The following AP3B2 variants were observed in gnomAD, a reference collection of about 807,000 sequenced individuals.
AP3B2 encodes the protein adaptor related protein complex 3 subunit beta 2, also known as AP-3 complex subunit beta-2.
Under a neutral mutation model 126.9 loss-of-function variants are expected in AP3B2, and 50 were observed. The ratio of observed to expected loss-of-function variants is 0.39; its 90% CI spans 0.31 to 0.50. The LOEUF (loss-of-function observed/expected upper bound fraction) is 0.50. AP3B2 is among the 20% of genes least tolerant of loss of function. The probability of loss-of-function intolerance (pLI) is 0.79; values close to 1 mark genes in which losing one functional copy is unlikely to be tolerated. For synonymous variants in AP3B2, 541 were observed against 565.0 expected, an observed-to-expected ratio of 0.96 and a Z score of 0.60; for missense variants, 1,177 against 1,426.4, an observed-to-expected ratio of 0.83 and a Z score of 2.82.
intron 1 of AP3B2, among the ~76,000 whole-genome samples, chr15:82,697,545 C>G (rs573616860): frequency 6.6e-6 from 1 of 152,106 alleles, no homozygotes; most frequent in Non-Finnish European, 1.5e-5. Flanking sequence ...GAACACGCAA[C>G]TTAGTCACAG....
intron 25 of AP3B2, among the ~76,000 whole-genome samples, chr15:82,661,431 C>T (rs11630643): frequency 5.3e-5 from 8 of 152,214 alleles, no homozygotes; most frequent in African/African-American, 1.7e-4. Context: ...CCAAATCCAG[C>T]CCACCACCTA....
At chr15:82,675,960 C>T (rs557692146) in intron 14 of AP3B2, among the ~76,000 whole-genome samples, 1 of 152,288 alleles carries the variant, frequency 6.6e-6, no homozygotes, top group Admixed American at 6.5e-5. Context: ...TGAGCCTCAT[C>T]CTTGGCTGTG....
chr15:82,664,371 C>T lies in AP3B2; in HGVS notation c.2257G>A (p.Glu753Lys), dbSNP rs2048014030. The T allele has an allele frequency of 1.2e-6, 2 of 1,613,792 alleles. No homozygotes were observed. Among genetic ancestry groups the T allele is most frequent in the Admixed American group, 1.7e-5 (1 of 59,994 alleles). Residue 753 changes from glutamate (E) to lysine (K), a missense_variant, in exon 19 of 27, where the codon GAG becomes AAG. By Grantham distance (56) the Glu-to-Lys change is moderately conservative (BLOSUM62 1). Transcript: ENST00000535359. The surrounding 1 kb of genome is among the most constrained non-coding windows in gnomAD (Gnocchi z 4.5). ...DEDEEKGRGSESEQSEEDGKR... is the reference protein window; with the variant it reads ...DEDEEKGRGSKSEQSEEDGKR... ...TCTGGCTAGCTCCCTTCTCACCTCT[C>T]ACTGCCTCTCCCTTTCTCCTCATCC...
At position 82,665,377 on chromosome 15, in the gene AP3B2, A is replaced by G. The variant is rs1403962718; in HGVS notation, c.1972-74T>C. 5.5e-3 allele frequency: 65 copies of G among 11,828 alleles called. 4 individuals carry two copies. The highest frequency in any genetic ancestry group is 0.04 in the South Asian group (64 of 1,584). 0.7% of individuals were successfully genotyped at this position (11,828 alleles called of 1,614,324 possible). On this transcript the variant is annotated intron_variant, in intron 16 of 26. Transcript: ENST00000535359. The surrounding 1 kb of genome is among the most constrained non-coding windows in gnomAD (Gnocchi z 4.4). ...GGCTCCCTACTGTCTGCCCCCACCA[A>G]CACACACACACACACACACACACAC... is the stretch of plus-strand genomic sequence containing the variant.
At chr15:82,691,801 C>A in intron 1 of AP3B2, 2 of 1,492,382 alleles carry the variant, frequency 1.3e-6, no homozygotes, top group Non-Finnish European at 1.9e-6. Flanking sequence ...TTGACCCAAA[C>A]CGAGACTGTG....
intron 20 of AP3B2, 89 bp from the exon 21 acceptor site, chr15:82,663,709 G>C: frequency 6.2e-7 from 1 of 1,604,526 alleles, no homozygotes; most frequent in Non-Finnish European, 8.5e-7. Flanking sequence ...TTCTGTTCTG[G>C]ATGGTAGGGA....
Position 82,709,766 on chromosome 15 carries a change from G to A in AP3B2, c.-60C>T. On this transcript the variant is annotated 5_prime_UTR_variant, in exon 1 of 27. Coordinates refer to ENST00000535359, the MANE Select transcript of AP3B2 (RefSeq NM_001278512.2). ...TGCGGGGCCGGAGGCCGGCTGGAGC[G>A]GAGGAAGGGAAGGCGGGCCGGTCCG... The A allele has an allele frequency of 1.5e-6, 2 of 1,353,966 alleles. No individual in the cohort carries two copies. The highest frequency in any genetic ancestry group is 1.9e-6 in the Non-Finnish European group (2 of 1,029,194). 83.9% of individuals were successfully genotyped at this position (1,353,966 alleles called of 1,614,324 possible). A position where few individuals can be genotyped will look rare whatever the true frequency, so the allele number is the denominator to read the frequency against.
In AP3B2 at chr15:82,680,772, A is replaced by T. The variant is rs202023945; in HGVS notation, c.772-17T>A. On this transcript the variant is annotated splice_polypyrimidine_tract_variant and intron_variant, in intron 7 of 26. Transcript: ENST00000535359. This position sits in a 1 kb window ranked among gnomAD's most constrained non-coding sequence, Gnocchi z 6.1. Reference sequence around the variant, plus strand: ...TAGGGATTCCTGGACGGGGAGACCGACGGGTCTGTGGGCGCCTCCCCGGGA... The same window carrying T: ...TAGGGATTCCTGGACGGGGAGACCGTCGGGTCTGTGGGCGCCTCCCCGGGA... 203 of 1,597,820 alleles carry T rather than the reference A, an allele frequency of 1.3e-4. No homozygotes were observed. The East Asian group carries it at 4.2e-3, about 33-fold the overall frequency.
At position 82,680,501 on chromosome 15, in the gene AP3B2, C is replaced by T. The variant is rs1298774647; in HGVS notation, c.1026G>A (p.Lys342=). 4 of 1,525,666 alleles carry T rather than the reference C, an allele frequency of 2.6e-6. No homozygotes were observed. Among genetic ancestry groups the T allele is most frequent in the East Asian group, 2.5e-5 (1 of 40,420 alleles). 94.5% of individuals were successfully genotyped at this position (1,525,666 alleles called of 1,614,324 possible). The change falls in exon 8 of 27, where the codon AAG becomes AAA. Residue 342 remains lysine, a synonymous_variant. Coordinates refer to ENST00000535359, the MANE Select transcript of AP3B2 (RefSeq NM_001278512.2). The surrounding 1 kb of genome is among the most constrained non-coding windows in gnomAD (Gnocchi z 6.1). ...APKAEVGVIA[K]ALVRLLRSHS... ...GGCTGCGCAGCAGGCGCACCAGCGC[C>T]TTGGCGATGACGCCCACTTCCGCCT...
Position 82,676,503 on chromosome 15 carries a change from G to A in AP3B2, c.1623C>T (p.Val541=), listed in dbSNP as rs2048244655. 1 of 1,614,018 alleles carries A rather than the reference G, an allele frequency of 6.2e-7. No individual in the cohort carries two copies. The highest frequency in any genetic ancestry group is 1.1e-5 in the South Asian group (1 of 91,072). Residue 541 remains valine, a synonymous_variant, in exon 14 of 27, where the codon GTC becomes GTT. Transcript: ENST00000535359. The part of the protein sequence containing the change: ...TAEEDIVKLQ[V]INLAAKLYLT... ...GGTAGAGCTTGGCTGCCAGGTTGAT[G>A]ACCTGCAGCTTGACAATATCCTCCT...
chr15:82,663,073 C>T, intron 22 of AP3B2, 54 bp downstream of exon 22: 1 of 1,519,502 alleles, frequency 6.6e-7, no homozygotes, highest in Non-Finnish European at 9.0e-7. Context: ...CCATAGGATG[C>T]AGCACAGGGA....
At chr15:82,690,378 T>G (rs1053927812) in intron 1 of AP3B2, among the ~76,000 whole-genome samples, 1 of 152,130 alleles carries the variant, frequency 6.6e-6, no homozygotes, top group Non-Finnish European at 1.5e-5. Flanking sequence ...ACATTAGGTA[T>G]TCCTCCTAAT....
intron 1 of AP3B2, among the ~76,000 whole-genome samples, chr15:82,704,281 T>C (rs147248036): frequency 0.11 from 17,174 of 152,136 alleles, 1,124 homozygotes; most frequent in East Asian, 0.33. Context: ...CTCCCAACAT[T>C]AAATAAAACT....
chr15:82,683,159 C>T (rs9806381), intron 4 of AP3B2, among the ~76,000 whole-genome samples: 8,794 of 146,998 alleles, frequency 0.06, 389 homozygotes, highest in African/African-American at 0.12. Flanking sequence ...CCCAGGTTCA[C>T]GCCATTCTCC....
At chr15:82,668,746 A>T (rs896412955) in intron 14 of AP3B2, among the ~76,000 whole-genome samples, 28 of 151,818 alleles carry the variant, frequency 1.8e-4, no homozygotes, top group African/African-American at 6.8e-4. Flanking sequence ...CCCCCACCTC[A>T]TCTAGCCAGG....
intron 10 of AP3B2, 104 bp from the exon 11 acceptor site, chr15:82,678,271 C>T (rs950265967): frequency 4.6e-6 from 5 of 1,096,188 alleles, no homozygotes; most frequent in Non-Finnish European, 6.9e-6. Context: ...ATCCTCATGA[C>T]AGCCCTGCAT....
chr15:82,669,460 G>A (rs766088894), intron 14 of AP3B2, among the ~76,000 whole-genome samples: 1 of 152,142 alleles, frequency 6.6e-6, no homozygotes, highest in Non-Finnish European at 1.5e-5. Context: ...TTGGGAGGCC[G>A]AGGCAGGCAG....
At chr15:82,696,945 C>T (rs1377404694) in intron 1 of AP3B2, among the ~76,000 whole-genome samples, 1 of 152,204 alleles carries the variant, frequency 6.6e-6, no homozygotes, top group Non-Finnish European at 1.5e-5. Flanking sequence ...TGTGTGGGGA[C>T]TCACACACAC....
intron 1 of AP3B2, among the ~76,000 whole-genome samples, chr15:82,696,322 A>C (rs2048627898): frequency 6.6e-6 from 1 of 152,216 alleles, no homozygotes; most frequent in Non-Finnish European, 1.5e-5. Flanking sequence ...TCACGCTTGT[A>C]ATTCCAGCAC....
Sources: allele counts gnomAD v4.1 joint callset (sites outside exome capture counted in the v4.1 genomes callset), GRCh38; gene constraint gnomAD v4.1.1; non-coding constraint Gnocchi (gnomAD v3.1); transcripts MANE v1.5; gene names NCBI Gene and HGNC (gene_info 2026-07-23, HGNC 2026-07-21).